NEURL1B: variants seen among roughly 807,000 people sequenced by gnomAD.
The protein encoded by NEURL1B is neuralized E3 ubiquitin protein ligase 1B, also known as E3 ubiquitin-protein ligase NEURL1B.
A neutral mutation model predicts 37.4 loss-of-function variants in NEURL1B; 13 were observed. The observed-to-expected ratio is 0.35, with a 90% CI of 0.23 to 0.55. The LOEUF (loss-of-function observed/expected upper bound fraction) is 0.55. NEURL1B is among the 20% of genes least tolerant of loss of function. NEURL1B has a pLI of 0.89. For missense variants in NEURL1B, 790 were observed against 879.2 expected, an observed-to-expected ratio of 0.90 and a Z score of 1.28; for synonymous variants, 432 against 426.6, an observed-to-expected ratio of 1.01 and a Z score of -0.16.
At chr5:172,680,528 G>A (rs1037294490) in intron 2 of NEURL1B, among the ~76,000 whole-genome samples, 3 of 152,164 alleles carry the variant, frequency 2.0e-5, no homozygotes, top group Admixed American at 2.0e-4. Context: ...CCAGAAACAC[G>A]TACTTGTCTA....
At chr5:172,680,464 G>T (rs767476594) in intron 2 of NEURL1B, among the ~76,000 whole-genome samples, 3 of 152,204 alleles carry the variant, frequency 2.0e-5, no homozygotes, top group Admixed American at 2.0e-4. Flanking sequence ...CTTTAGGGGC[G>T]GGCGACTGTG....
rs1179777240 is a variant in NEURL1B, at chr5:172,641,837, G to A, written c.31+400G>A. Among the ~76,000 whole-genome samples the A allele has an allele frequency of 6.6e-6, 1 of 152,196 alleles. No individual in the cohort carries two copies. Among genetic ancestry groups the A allele is most frequent in the African/African-American group, 2.4e-5 (1 of 41,460 alleles). ...CCGACGGTCAGAAGCCACCCGTGGT[G>A]CCAAGACTGCAGCTGCCGAGAGTGA... On this transcript the variant is annotated intron_variant, in intron 1 of 4. Transcript: ENST00000369800. The surrounding 1 kb of genome is among the most constrained non-coding windows in gnomAD (Gnocchi z 6.4).
intron 1 of NEURL1B, among the ~76,000 whole-genome samples, chr5:172,660,724 T>C (rs1214516721): frequency 6.6e-6 from 1 of 152,194 alleles, no homozygotes; most frequent in East Asian, 1.9e-4. Context: ...CACTGCAACC[T>C]CCGCCTCCTG....
Position 172,690,990 on chromosome 5 carries a change from G to A in NEURL1B, c.*4065G>A, listed in dbSNP as rs2113351659. On this transcript the variant is annotated 3_prime_UTR_variant, in exon 5 of 5. Coordinates refer to ENST00000369800, the MANE Select transcript of NEURL1B (RefSeq NM_001142651.3). ...CGGCCCTGCGCCTGCCCCAGTCCTG[G>A]CAGGGGGCACCGGCTCAGGAACATG... The A allele has an allele frequency of 6.6e-6, 1 of 152,256 alleles. No individual in the cohort carries two copies. The highest frequency in any genetic ancestry group is 6.5e-5 in the Admixed American group (1 of 15,298). 9.4% of individuals were successfully genotyped at this position (152,256 alleles called of 1,614,324 possible).
rs1031448718 is a variant in NEURL1B at position 172,657,448 on chromosome 5, C to T, written c.32-12337C>T. Among the ~76,000 whole-genome samples, 30 of 152,238 alleles carry T rather than the reference C, an allele frequency of 2.0e-4. No homozygotes were observed. Among genetic ancestry groups the T allele is most frequent in the African/African-American group, 6.5e-4 (27 of 41,526 alleles). On this transcript the variant is annotated intron_variant, in intron 1 of 4. Coordinates refer to ENST00000369800, the MANE Select transcript of NEURL1B (RefSeq NM_001142651.3). The surrounding 1 kb of genome is among the most constrained non-coding windows in gnomAD (Gnocchi z 4.0). ...AATTAGATATAGAGATGATCATGGA[C>T]AATTATCAATCATTATTATAAACAT...
chr5:172,678,250 C>T (rs1360370959), intron 2 of NEURL1B, among the ~76,000 whole-genome samples: 72 of 152,334 alleles, frequency 4.7e-4, no homozygotes, highest in Admixed American at 1.3e-4. Context: ...CTAAGAACAA[C>T]TGTAGCATTC....
At position 172,657,309 on chromosome 5, in the gene NEURL1B, T is replaced by G. The variant is rs1394968784; in HGVS notation, c.32-12476T>G. ...CTTAGGACACATGGGATGGAGATTC[T>G]AATCAGGGCTCCTGTGGGTGGAGGA... On this transcript the variant is annotated intron_variant, in intron 1 of 4. Coordinates refer to ENST00000369800, the MANE Select transcript of NEURL1B (RefSeq NM_001142651.3). The surrounding 1 kb of genome is among the most constrained non-coding windows in gnomAD (Gnocchi z 4.0). Among the ~76,000 whole-genome samples the G allele has an allele frequency of 1.3e-5, 2 of 152,122 alleles. No individual in the cohort carries two copies. Among genetic ancestry groups the G allele is most frequent in the Non-Finnish European group, 2.9e-5 (2 of 68,006 alleles).
In NEURL1B at chr5:172,670,393, G is replaced by T; in HGVS notation, c.577+63G>T. ...GCGGTGCCTTTGCGCGTGGGTGTGT[G>T]TTTCATTAGTAGCCACAGTCACTTA... On this transcript the variant is annotated intron_variant, in intron 2 of 4. Transcript: ENST00000369800. 5 of 1,243,544 alleles carry T rather than the reference G, an allele frequency of 4.0e-6. No individual in the cohort carries two copies. In the South Asian group the frequency reaches 1.1e-4, roughly 27 times the overall value. The allele number at this position is 1,243,544 out of a possible 1,614,324, so 77.0% of individuals were successfully genotyped here.
At chr5:172,685,162 A>G (rs1758467831) in intron 3 of NEURL1B, among the ~76,000 whole-genome samples, 1 of 152,198 alleles carries the variant, frequency 6.6e-6, no homozygotes, top group South Asian at 2.1e-4. Flanking sequence ...TACCTGCTTC[A>G]TGGGGTTGTC....
At chr5:172,679,590 G>A (rs576732890) in intron 2 of NEURL1B, among the ~76,000 whole-genome samples, 18 of 152,324 alleles carry the variant, frequency 1.2e-4, no homozygotes, top group African/African-American at 4.3e-4. Context: ...TCTCAATCAG[G>A]GCCCATGCCC....
chr5:172,652,525 C>T (rs1479747297), intron 1 of NEURL1B, among the ~76,000 whole-genome samples: 3 of 152,238 alleles, frequency 2.0e-5, no homozygotes, highest in Admixed American at 2.0e-4. Context: ...ATTACAGAAA[C>T]CGGTTGGGGC....
At chr5:172,652,226 A>G (rs1383612359) in intron 1 of NEURL1B, among the ~76,000 whole-genome samples, 1 of 152,236 alleles carries the variant, frequency 6.6e-6, no homozygotes, top group Non-Finnish European at 1.5e-5. Flanking sequence ...TAGCAGAGAG[A>G]GAGCTTGGCA....
chr5:172,646,603 T>C (rs543386890), intron 1 of NEURL1B, among the ~76,000 whole-genome samples: 3 of 152,310 alleles, frequency 2.0e-5, no homozygotes, highest in African/African-American at 7.2e-5. Context: ...GCATTTACAG[T>C]TCTCCTGCAG....
chr5:172,673,008 G>T (rs1758160437), intron 2 of NEURL1B, among the ~76,000 whole-genome samples: 1 of 152,120 alleles, frequency 6.6e-6, no homozygotes, highest in African/African-American at 2.4e-5. Context: ...TTTCTGACAC[G>T]TGATTGAGGC....
At position 172,684,065 on chromosome 5, in the gene NEURL1B, C is replaced by T; in HGVS notation, c.1224C>T (p.Cys408=). The T allele has an allele frequency of 1.5e-6, 2 of 1,322,952 alleles. No individual in the cohort carries two copies. The highest frequency in any genetic ancestry group is 1.9e-6 in the Non-Finnish European group (2 of 1,035,492). The allele number at this position is 1,322,952 out of a possible 1,614,324, so 82.0% of individuals were successfully genotyped here. A position where few individuals can be genotyped will look rare whatever the true frequency, so the allele number is the denominator to read the frequency against. ...INGRPRGRLL[C]VDTTQALWAF... ...GGCGTCCGCGCGGCCGCCTGCTGTG[C>T]GTCGACACCACGCAGGCGCTCTGGG... is the stretch of plus-strand genomic sequence containing the variant. Residue 408 remains cysteine, a synonymous_variant, in exon 3 of 5, where the codon TGC becomes TGT. Coordinates refer to ENST00000369800, the MANE Select transcript of NEURL1B (RefSeq NM_001142651.3).
Position 172,686,998 on chromosome 5 carries a change from G to A in NEURL1B, c.*73G>A. On this transcript the variant is annotated 3_prime_UTR_variant, in exon 5 of 5. Coordinates refer to ENST00000369800, the MANE Select transcript of NEURL1B (RefSeq NM_001142651.3). The surrounding 1 kb of genome is among the most constrained non-coding windows in gnomAD (Gnocchi z 7.9). ...GGCCCCCTGGGCTGGGCAACCACAT[G>A]GCTGCCAGGGAGTCCACGGGCAGCG... The A allele has an allele frequency of 6.8e-7, 1 of 1,478,996 alleles. No individual in the cohort carries two copies. The highest frequency in any genetic ancestry group is 9.1e-7 in the Non-Finnish European group (1 of 1,100,666). The allele number at this position is 1,478,996 out of a possible 1,614,324, so 91.6% of individuals were successfully genotyped here.
At chr5:172,669,481 T>C (rs1301931563) in intron 1 of NEURL1B, among the ~76,000 whole-genome samples, 1 of 152,042 alleles carries the variant, frequency 6.6e-6, no homozygotes, top group Non-Finnish European at 1.5e-5. Flanking sequence ...ATTTGGCCCC[T>C]GGCTGGCTGT....
intron 1 of NEURL1B, among the ~76,000 whole-genome samples, chr5:172,645,296 T>G (rs1359300825): frequency 6.6e-6 from 1 of 152,190 alleles, no homozygotes; most frequent in African/African-American, 2.4e-5. Flanking sequence ...AGTCTGTAAG[T>G]GCTGCATCCA....
At position 172,674,862 on chromosome 5, in the gene NEURL1B, T is replaced by A. The variant is rs564330292; in HGVS notation, c.577+4532T>A. ...CTTCTCCTGACCAGGTAGGCATCAC[T>A]CTGATTCATAATCCCATGAATGTAT... On this transcript the variant is annotated intron_variant, in intron 2 of 4. Coordinates refer to ENST00000369800, the MANE Select transcript of NEURL1B (RefSeq NM_001142651.3). 1.3e-4 allele frequency among the ~76,000 whole-genome samples: 20 copies of A among 152,262 alleles called. 1 individual carries two copies. In the South Asian group the frequency reaches 3.1e-3, roughly 24 times the overall value.
Sources: allele counts gnomAD v4.1 joint callset (sites outside exome capture counted in the v4.1 genomes callset), GRCh38; gene constraint gnomAD v4.1.1; non-coding constraint Gnocchi (gnomAD v3.1); transcripts MANE v1.5; gene names NCBI Gene and HGNC (gene_info 2026-07-23, HGNC 2026-07-21).